HMX3: variants seen among roughly 807,000 people sequenced by gnomAD.
HMX3 encodes the protein H6 family homeobox 3.
A neutral mutation model predicts 22.8 loss-of-function variants in HMX3; 8 were observed. That is an observed-to-expected ratio of 0.35 (90% CI 0.21 to 0.63). The LOEUF is 0.63. Ranked by LOEUF, HMX3 falls within the 30% of genes least tolerant of loss-of-function variation. The probability of loss-of-function intolerance (pLI) is 0.72; values close to 1 mark genes in which losing one functional copy is unlikely to be tolerated. For synonymous variants in HMX3, 331 were observed against 250.9 expected (o/e 1.32, Z -3.02); for missense variants, 527 against 520.6 (o/e 1.01, Z -0.12).
In HMX3 at chr10:123,139,138, A is replaced by C. The variant is rs1844111976; in HGVS notation, c.*1407A>C. Among the ~76,000 whole-genome samples the C allele has an allele frequency of 6.6e-6, 1 of 152,210 alleles. No individual in the cohort carries two copies. On this transcript the variant is annotated 3_prime_UTR_variant, in exon 2 of 2. Transcript: ENST00000357878. ...TAAGTTAGGCATACTGGAGCGCTTTAAGTGAAGGACAATCAATTTAGCAGA... is the reference window on the plus strand; with the variant it reads ...TAAGTTAGGCATACTGGAGCGCTTTCAGTGAAGGACAATCAATTTAGCAGA...
rs1052582464 is a variant in HMX3 at position 123,137,197 on chromosome 10, C to G, written c.540C>G (p.Ser180Arg). 3 of 1,600,710 alleles carry G rather than the reference C, an allele frequency of 1.9e-6. No individual in the cohort carries two copies. The highest frequency in any genetic ancestry group is 2.6e-6 in the Non-Finnish European group (3 of 1,173,772). Residue 180 changes from serine (S) to arginine (R), a missense_variant, in exon 2 of 2, where the codon AGC becomes AGG. Physicochemically the swap from Ser to Arg is moderately radical, Grantham distance 110. Coordinates refer to ENST00000357878, the MANE Select transcript of HMX3 (RefSeq NM_001105574.2). This position sits in a 1 kb window ranked among gnomAD's most constrained non-coding sequence, Gnocchi z 5.8. ...KSPDEIILEESDSEESKKEGE... is the reference protein window; with the variant it reads ...KSPDEIILEERDSEESKKEGE... ...CGGACGAGATCATTCTGGAGGAGAGCGACTCCGAGGAAAGCAAAAAGGAAG... is the reference window on the plus strand; with the variant it reads ...CGGACGAGATCATTCTGGAGGAGAGGGACTCCGAGGAAAGCAAAAAGGAAG...
chr10:123,138,005 G>A lies in HMX3; in HGVS notation c.*274G>A, dbSNP rs1199193578. ...AAAGCAGGAACAAGACAAAATTTTCGGGTCAGAGATTTCGGCCGATAGTTT... is the reference window on the plus strand; with the variant it reads ...AAAGCAGGAACAAGACAAAATTTTCAGGTCAGAGATTTCGGCCGATAGTTT... On this transcript the variant is annotated 3_prime_UTR_variant, in exon 2 of 2. Transcript: ENST00000357878. Among the ~76,000 whole-genome samples the A allele has an allele frequency of 5.9e-5, 9 of 152,314 alleles. No individual in the cohort carries two copies. The highest frequency in any genetic ancestry group is 2.2e-4 in the African/African-American group (9 of 41,566).
rs1844085125 is a variant in HMX3 at position 123,137,116 on chromosome 10, T to A, written c.459T>A (p.Ser153=). 6.2e-7 allele frequency: 1 copy of A among 1,610,582 alleles called. No homozygotes were observed. Among genetic ancestry groups the A allele is most frequent in the Non-Finnish European group, 8.5e-7 (1 of 1,178,952 alleles). Residue 153 remains serine, a synonymous_variant, in exon 2 of 2, where the codon TCT becomes TCA. Coordinates refer to ENST00000357878, the MANE Select transcript of HMX3 (RefSeq NM_001105574.2). The surrounding 1 kb of genome is among the most constrained non-coding windows in gnomAD (Gnocchi z 5.8). ...CCGCCTCCGGCACAGACCGCGACTC[T>A]CCGGAGCCACTGCTCAAGGCCGACC... The part of the protein sequence containing the change: ...SSPASGTDRD[S]PEPLLKADPD...
At position 123,137,135 on chromosome 10, in the gene HMX3, G is replaced by A; in HGVS notation, c.478G>A (p.Ala160Thr). Residue 160 changes from alanine (A) to threonine (T), a missense_variant, in exon 2 of 2, where the codon GCC becomes ACC. By Grantham distance (58) the Ala-to-Thr change is moderately conservative (BLOSUM62 0). This residue lies in a region of HMX3 where 386 missense variants were observed against 337.8 expected (regional missense o/e 1.14). Transcript: ENST00000357878. This position sits in a 1 kb window ranked among gnomAD's most constrained non-coding sequence, Gnocchi z 5.8. ...DRDSPEPLLK[A>T]DPDHKELDSK... ...CGACTCTCCGGAGCCACTGCTCAAG[G>A]CCGACCCCGATCACAAGGAGCTGGA... 5 of 1,609,298 alleles carry A rather than the reference G, an allele frequency of 3.1e-6. No homozygotes were observed. The highest frequency in any genetic ancestry group is 4.2e-6 in the Non-Finnish European group (5 of 1,178,112).
At position 123,137,116 on chromosome 10, in the gene HMX3, T is replaced by G. The variant is rs1844085125; in HGVS notation, c.459T>G (p.Ser153=). 1 of 1,610,464 alleles carries G rather than the reference T, an allele frequency of 6.2e-7. No homozygotes were observed. The highest frequency in any genetic ancestry group is 1.3e-5 in the African/African-American group (1 of 74,808). The change falls in exon 2 of 2, where the codon TCT becomes TCG. Residue 153 remains serine, a synonymous_variant. Transcript: ENST00000357878. This position sits in a 1 kb window ranked among gnomAD's most constrained non-coding sequence, Gnocchi z 5.8. ...SSPASGTDRD[S]PEPLLKADPD... ...CCGCCTCCGGCACAGACCGCGACTC[T>G]CCGGAGCCACTGCTCAAGGCCGACC...
Position 123,137,420 on chromosome 10 carries a change from T to C in HMX3, c.763T>C (p.Ser255Pro), listed in dbSNP as rs774985122. 6.2e-7 allele frequency: 1 copy of C among 1,613,322 alleles called. No individual in the cohort carries two copies. Among genetic ancestry groups the C allele is most frequent in the Admixed American group, 1.7e-5 (1 of 60,022 alleles). Reference sequence around the variant, plus strand: ...CGACATGAAGCGCTATCTGAGCAGCTCGGAGCGAGCCGGCCTGGCCGCGTC... The same window carrying C: ...CGACATGAAGCGCTATCTGAGCAGCCCGGAGCGAGCCGGCCTGGCCGCGTC... The part of the protein sequence containing the change: ...TFDMKRYLSS[S>P]ERAGLAASLH... The change falls in exon 2 of 2, where the codon TCG becomes CCG. Residue 255 changes from serine (S) to proline (P), a missense_variant. Physicochemically the swap from Ser to Pro is moderately conservative, Grantham distance 74 (BLOSUM62 -1). Coordinates refer to ENST00000357878, the MANE Select transcript of HMX3 (RefSeq NM_001105574.2). The surrounding 1 kb of genome is among the most constrained non-coding windows in gnomAD (Gnocchi z 5.8).
chr10:123,136,434 C>T lies in HMX3; in HGVS notation c.384C>T (p.His128=). 1 of 1,448,706 alleles carries T rather than the reference C, an allele frequency of 6.9e-7. No homozygotes were observed. The highest frequency in any genetic ancestry group is 9.1e-7 in the Non-Finnish European group (1 of 1,094,700). The allele number at this position is 1,448,706 out of a possible 1,614,324, so 89.7% of individuals were successfully genotyped here. A position where few individuals can be genotyped will look rare whatever the true frequency, so the allele number is the denominator to read the frequency against. The change falls in exon 1 of 2, where the codon CAC becomes CAT. Residue 128 remains histidine (H), a synonymous_variant. Transcript: ENST00000357878. The surrounding 1 kb of genome is among the most constrained non-coding windows in gnomAD (Gnocchi z 4.8). The part of the protein sequence containing the change: ...YPYTLTPAGG[H]LPRPEASEKA... The stretch of plus-strand genomic sequence containing the variant: ...ACACCCTGACCCCCGCCGGCGGCCA[C>T]CTCCCGCGACCTGAAGGTACCGACC...
At position 123,138,417 on chromosome 10, in the gene HMX3, G is replaced by A. The variant is rs1844102370; in HGVS notation, c.*686G>A. On this transcript the variant is annotated 3_prime_UTR_variant, in exon 2 of 2. Coordinates refer to ENST00000357878, the MANE Select transcript of HMX3 (RefSeq NM_001105574.2). ...CCCGCCTCGGCCTCCCAAAGTGCTG[G>A]GATTACAGGCGTGAGCCACTGCGCC... Among the ~76,000 whole-genome samples, 1 of 152,010 alleles carries A rather than the reference G, an allele frequency of 6.6e-6. No individual in the cohort carries two copies. Among genetic ancestry groups the A allele is most frequent in the Admixed American group, 6.6e-5 (1 of 15,262 alleles).
In HMX3 at chr10:123,136,007, C is replaced by A; in HGVS notation, c.-44C>A. 3.0e-6 allele frequency: 4 copies of A among 1,318,398 alleles called. No individual in the cohort carries two copies. The highest frequency in any genetic ancestry group is 3.9e-6 in the Non-Finnish European group (4 of 1,031,828). 81.7% of individuals were successfully genotyped at this position (1,318,398 alleles called of 1,614,324 possible). ...CTCGCCTGCTCGCCCCGCCGCCCGC[C>A]TGTCCCGCTCCCTCCCTCCCGGGGA... On this transcript the variant is annotated 5_prime_UTR_variant, in exon 1 of 2. The change creates a new upstream start codon in the 5' untranslated region. Coordinates refer to ENST00000357878, the MANE Select transcript of HMX3 (RefSeq NM_001105574.2). The surrounding 1 kb of genome is among the most constrained non-coding windows in gnomAD (Gnocchi z 4.8).
At position 123,136,233 on chromosome 10, in the gene HMX3, TGCCGCC is replaced by T. The variant is rs956236050; in HGVS notation, c.195_200del (p.Ala72_Ala73del). 7.5e-7 allele frequency: 1 copy of T among 1,334,368 alleles called. No homozygotes were observed. The highest frequency in any genetic ancestry group is 2.4e-5 in the South Asian group (1 of 42,308). 82.7% of individuals were successfully genotyped at this position (1,334,368 alleles called of 1,614,324 possible). On this transcript the variant is annotated inframe_deletion, in exon 1 of 2. Transcript: ENST00000357878. This position sits in a 1 kb window ranked among gnomAD's most constrained non-coding sequence, Gnocchi z 4.8. ...GGACGCTCTTCGCGCCAGCCTCGGCTGCCGCCGCCGCCGCCGCTGCCGCTGCCGCGG... is the reference window on the plus strand; with the variant it reads ...GGACGCTCTTCGCGCCAGCCTCGGCTGCCGCCGCCGCTGCCGCTGCCGCGG...
Position 123,137,623 on chromosome 10 carries a change from A to T in HMX3, c.966A>T (p.Ala322=). 6.5e-7 allele frequency: 1 copy of T among 1,543,032 alleles called. No homozygotes were observed. The highest frequency in any genetic ancestry group is 8.7e-7 in the Non-Finnish European group (1 of 1,153,366). Residue 322 remains alanine (A), a synonymous_variant, in exon 2 of 2, where the codon GCA becomes GCT. Transcript: ENST00000357878. This position sits in a 1 kb window ranked among gnomAD's most constrained non-coding sequence, Gnocchi z 5.8. ...ENSAAEGAAA[A]AAGAPVPVSQ... ...CGGCGGCCGAGGGCGCGGCGGCTGC[A>T]GCCGCGGGGGCCCCGGTGCCAGTCA... is the stretch of plus-strand genomic sequence containing the variant.
Position 123,136,888 on chromosome 10 carries a change from C to G in HMX3, c.401-170C>G, listed in dbSNP as rs942407182. On this transcript the variant is annotated intron_variant, in intron 1 of 1. Transcript: ENST00000357878. The surrounding 1 kb of genome is among the most constrained non-coding windows in gnomAD (Gnocchi z 4.8). ...GGAGGAGGGGGATCCCAGGACTCGG[C>G]GTCCCTTCTCTGGCCCAGCCGAGAA... Among the ~76,000 whole-genome samples, 3 of 152,126 alleles carry G rather than the reference C, an allele frequency of 2.0e-5. No individual in the cohort carries two copies. The highest frequency in any genetic ancestry group is 6.5e-5 in the Admixed American group (1 of 15,280).
rs1379878529 is a variant in HMX3, at chr10:123,136,248, C to CGCT, written c.201_203dup (p.Ala73dup). The CGCT allele has an allele frequency of 4.5e-6, 6 of 1,346,556 alleles. No individual in the cohort carries two copies. The highest frequency in any genetic ancestry group is 4.0e-5 in the Admixed American group (1 of 25,018). 83.4% of individuals were successfully genotyped at this position (1,346,556 alleles called of 1,614,324 possible). A position where few individuals can be genotyped will look rare whatever the true frequency, so the allele number is the denominator to read the frequency against. On this transcript the variant is annotated inframe_insertion, in exon 1 of 2. Transcript: ENST00000357878. This position sits in a 1 kb window ranked among gnomAD's most constrained non-coding sequence, Gnocchi z 4.8. ...CAGCCTCGGCTGCCGCCGCCGCCGC[C>CGCT]GCTGCCGCTGCCGCGGCGGCCAAGG...
chr10:123,136,439 C>A lies in HMX3; in HGVS notation c.389C>A (p.Pro130Gln). 1 of 1,448,104 alleles carries A rather than the reference C, an allele frequency of 6.9e-7. No individual in the cohort carries two copies. Among genetic ancestry groups the A allele is most frequent in the Non-Finnish European group, 9.1e-7 (1 of 1,094,060 alleles). The allele number at this position is 1,448,104 out of a possible 1,614,324, so 89.7% of individuals were successfully genotyped here. A position where few individuals can be genotyped will look rare whatever the true frequency, so the allele number is the denominator to read the frequency against. The change falls in exon 1 of 2, where the codon CCG (proline) becomes CAG (glutamine). Residue 130 changes from proline (P) to glutamine (Q), a missense_variant. Pro to Gln is a moderately conservative substitution (Grantham distance 76). Transcript: ENST00000357878. This position sits in a 1 kb window ranked among gnomAD's most constrained non-coding sequence, Gnocchi z 4.8. ...CTGACCCCCGCCGGCGGCCACCTCC[C>A]GCGACCTGAAGGTACCGACCTCTCT... is the stretch of plus-strand genomic sequence containing the variant. Reference protein sequence around the residue: ...YTLTPAGGHLPRPEASEKALL... With the variant: ...YTLTPAGGHLQRPEASEKALL...
Position 123,137,213 on chromosome 10 carries a change from A to G in HMX3, c.556A>G (p.Lys186Glu). The change falls in exon 2 of 2, where the codon AAA becomes GAA. Residue 186 changes from lysine to glutamate, a missense_variant. Around this residue, in one of 3 missense-constraint regions of HMX3, gnomAD observed 386 missense variants for 337.8 expected, o/e 1.14. Transcript: ENST00000357878. The surrounding 1 kb of genome is among the most constrained non-coding windows in gnomAD (Gnocchi z 5.8). ...GGAGGAGAGCGACTCCGAGGAAAGC[A>G]AAAAGGAAGGCGAAGCGGCGCCAGG... ...ILEESDSEES[K>E]KEGEAAPGAA... 6.3e-7 allele frequency: 1 copy of G among 1,599,350 alleles called. No homozygotes were observed. Among genetic ancestry groups the G allele is most frequent in the Non-Finnish European group, 8.5e-7 (1 of 1,173,098 alleles).
rs766586446 is a variant in HMX3 at position 123,137,334 on chromosome 10, G to C, written c.677G>C (p.Arg226Pro). The C allele has an allele frequency of 6.2e-7, 1 of 1,611,682 alleles. No individual in the cohort carries two copies. The highest frequency in any genetic ancestry group is 1.3e-5 in the African/African-American group (1 of 74,914). ...AGTCCAGAGAAGAAGCCGGCGTGCC[G>C]CAAGAAGAAGACGCGCACAGTCTTC... ...AESPEKKPAC[R>P]KKKTRTVFSR... The change falls in exon 2 of 2, where the codon CGC becomes CCC. Residue 226 changes from arginine to proline, a missense_variant. By Grantham distance (103) the Arg-to-Pro change is moderately radical. This residue lies in a region of HMX3 where 386 missense variants were observed against 337.8 expected (regional missense o/e 1.14). Transcript: ENST00000357878. The surrounding 1 kb of genome is among the most constrained non-coding windows in gnomAD (Gnocchi z 5.8).
Position 123,137,735 on chromosome 10 carries a change from C to T in HMX3, c.*4C>T, listed in dbSNP as rs773202949. On this transcript the variant is annotated 3_prime_UTR_variant, in exon 2 of 2. Transcript: ENST00000357878. This position sits in a 1 kb window ranked among gnomAD's most constrained non-coding sequence, Gnocchi z 5.8. ...GCCGCTGCTACGGCCGGTCTGAGGC[C>T]CCAGAGGGGTGGGGGAGGGAGCGCC... 7 of 1,429,346 alleles carry T rather than the reference C, an allele frequency of 4.9e-6. No individual in the cohort carries two copies. The East Asian group carries it at 1.8e-4, about 38-fold the overall frequency. 88.5% of individuals were successfully genotyped at this position (1,429,346 alleles called of 1,614,324 possible). A position where few individuals can be genotyped will look rare whatever the true frequency, so the allele number is the denominator to read the frequency against.
chr10:123,137,009 A>G lies in HMX3; in HGVS notation c.401-49A>G. ...GTCCCCAGGCGCCGGGCCTCGCTCA[A>G]GGCTGTGTCGGTGTGCATGTGTGTG... On this transcript the variant is annotated intron_variant, in intron 1 of 1. Transcript: ENST00000357878. The surrounding 1 kb of genome is among the most constrained non-coding windows in gnomAD (Gnocchi z 5.8). 1.3e-6 allele frequency: 2 copies of G among 1,527,316 alleles called. No homozygotes were observed. Among genetic ancestry groups the G allele is most frequent in the South Asian group, 1.3e-5 (1 of 77,208 alleles). 94.6% of individuals were successfully genotyped at this position (1,527,316 alleles called of 1,614,324 possible).
At position 123,136,346 on chromosome 10, in the gene HMX3, C is replaced by G; in HGVS notation, c.296C>G (p.Pro99Arg). 6.4e-7 allele frequency: 1 copy of G among 1,571,612 alleles called. No individual in the cohort carries two copies. Among genetic ancestry groups the G allele is most frequent in the East Asian group, 2.5e-5 (1 of 39,404 alleles). ...CTGGCTTTCCCTCGCTTTGAGATCC[C>G]GGCGCAGAGGTTTGCCCTGCCCGCG... The part of the protein sequence containing the change: ...GDLAFPRFEI[P>R]AQRFALPAHY... Residue 99 changes from proline to arginine, a missense_variant, in exon 1 of 2, where the codon CCG becomes CGG. Around this residue, in one of 3 missense-constraint regions of HMX3, gnomAD observed 386 missense variants for 337.8 expected, o/e 1.14. Transcript: ENST00000357878. The surrounding 1 kb of genome is among the most constrained non-coding windows in gnomAD (Gnocchi z 4.8).
Sources: gnomAD v4.1 joint callset for allele counts (sites outside exome capture counted in the v4.1 genomes callset) on GRCh38, gnomAD v4.1.1 for gene constraint, gnomAD v4.1.1 regional missense constraint, Gnocchi (gnomAD v3.1) non-coding constraint, MANE v1.5 for transcripts, NCBI Gene and HGNC (gene_info 2026-07-23, HGNC 2026-07-21) for gene names.